Variants in ZDHHC11B observed in about 807,000 individuals in gnomAD.
The protein encoded by ZDHHC11B is zDHHC palmitoyltransferase 11B (putative).
Under a neutral mutation model 42.3 loss-of-function variants are expected in ZDHHC11B, and 17 were observed. The observed-to-expected ratio is 0.40, with a 90% CI of 0.27 to 0.60. The LOEUF (loss-of-function observed/expected upper bound fraction) is 0.60. Among genes scored for constraint, ZDHHC11B ranks in the 20% least tolerant of loss-of-function variants. The pLI, the probability that ZDHHC11B is intolerant of heterozygous loss-of-function variation, is 0.41. For missense variants in ZDHHC11B, 262 were observed against 463.2 expected (o/e 0.57, Z 3.99); for synonymous variants, 123 against 193.5 (o/e 0.64, Z 3.02).
rs1164812747 is a variant in ZDHHC11B at position 748,403 on chromosome 5, C to T, written c.784+1G>A. 1 of 1,353,426 alleles carries T rather than the reference C, an allele frequency of 7.4e-7. No homozygotes were observed. The highest frequency in any genetic ancestry group is 9.8e-7 in the Non-Finnish European group (1 of 1,021,150). 83.8% of individuals were successfully genotyped at this position (1,353,426 alleles called of 1,614,324 possible). A position where few individuals can be genotyped will look rare whatever the true frequency, so the allele number is the denominator to read the frequency against. ...TCGGGGGCTTAGGGTGGGGGACATA[C>T]TCAGGTAGATGTGGAAGATGAGCAG... On this transcript the variant is annotated splice_donor_variant, in intron 8 of 13. Transcript: ENST00000508859. LOFTEE classifies it high-confidence loss of function.
At chr5:784,558 C>CG (rs543527506) in intron 1 of ZDHHC11B, among the ~76,000 whole-genome samples, 110 bp downstream of exon 1, 1 of 152,156 alleles carries the variant, frequency 6.6e-6, no homozygotes, top group Non-Finnish European at 1.5e-5. Context: ...CGGGGGAGCG[C>CG]GGGGGGCAGG....
chr5:777,797 G>T (rs1032050315), intron 1 of ZDHHC11B, among the ~76,000 whole-genome samples: 1 of 151,976 alleles, frequency 6.6e-6, no homozygotes, highest in Admixed American at 6.6e-5. Flanking sequence ...AGCAGGCGGA[G>T]CTGCCCGCCA....
At chr5:775,860 CAG>C (rs1318856635) in intron 1 of ZDHHC11B, among the ~76,000 whole-genome samples, 7 of 149,952 alleles carry the variant, frequency 4.7e-5, no homozygotes, top group Non-Finnish European at 1.0e-4. Context: ...GACTGGGAAA[CAG>C]GTTGGAGGGG....
chr5:725,238 C>T (rs1164886519), intron 12 of ZDHHC11B, among the ~76,000 whole-genome samples: 5 of 142,886 alleles, frequency 3.5e-5, no homozygotes, highest in South Asian at 2.2e-4. Context: ...CATCAGACAC[C>T]GGATCTGCCG....
chr5:766,966 G>A, intron 3 of ZDHHC11B, 47 bp from the exon 4 acceptor site: 1 of 1,591,764 alleles, frequency 6.3e-7, no homozygotes, highest in Non-Finnish European at 8.6e-7. Context: ...CTCCGGGGAG[G>A]GCCGGCCCCA....
chr5:775,562 C>T (rs1381199612), intron 1 of ZDHHC11B, among the ~76,000 whole-genome samples: 6 of 151,906 alleles, frequency 3.9e-5, no homozygotes, highest in Admixed American at 3.9e-4. Flanking sequence ...ACTCAGGTTC[C>T]CAGGAGCCCC....
At chr5:777,994 A>T (rs1218018304) in intron 1 of ZDHHC11B, among the ~76,000 whole-genome samples, 1 of 151,794 alleles carries the variant, frequency 6.6e-6, no homozygotes, top group Non-Finnish European at 1.5e-5. Flanking sequence ...GCCCCGCGAG[A>T]ATTTGAGCAT....
chr5:776,473 C>A (rs1302757476), intron 1 of ZDHHC11B, among the ~76,000 whole-genome samples: 1 of 151,912 alleles, frequency 6.6e-6, no homozygotes, highest in Non-Finnish European at 1.5e-5. Context: ...AGGCCCCTGG[C>A]CAGCAGGGCT....
intron 10 of ZDHHC11B, among the ~76,000 whole-genome samples, chr5:740,122 CAG>C (rs1316781421): frequency 1.6e-4 from 19 of 119,768 alleles, no homozygotes; most frequent in East Asian, 1.3e-3. Flanking sequence ...TTTTGGGACT[CAG>C]GGGGAGTGGT....
intron 12 of ZDHHC11B, among the ~76,000 whole-genome samples, chr5:719,727 G>A (rs1370624992): frequency 6.6e-6 from 1 of 151,586 alleles, no homozygotes; most frequent in Non-Finnish European, 1.5e-5. Flanking sequence ...CTCCAAAGTA[G>A]AAGAGAAAAG....
At chr5:725,059 C>A (rs1335484014) in intron 12 of ZDHHC11B, among the ~76,000 whole-genome samples, 1 of 150,916 alleles carries the variant, frequency 6.6e-6, no homozygotes, top group Non-Finnish European at 1.5e-5. Context: ...CTAACCCCAG[C>A]GTTGTGTGTC....
rs1735813093 is a variant in ZDHHC11B at position 769,663 on chromosome 5, C to T, written c.-229-733G>A. ...ACACTTTCGTTCAAAGGACAAGCCTCTTAATTACTTCCAGGCCAACAAAGT... is the reference window on the plus strand; with the variant it reads ...ACACTTTCGTTCAAAGGACAAGCCTTTTAATTACTTCCAGGCCAACAAAGT... On this transcript the variant is annotated intron_variant, in intron 1 of 13. Coordinates refer to ENST00000508859, the MANE Select transcript of ZDHHC11B (RefSeq NM_001351303.2). Among the ~76,000 whole-genome samples, 5 of 152,018 alleles carry T rather than the reference C, an allele frequency of 3.3e-5. 1 individual carries two copies. The South Asian group carries it at 1.0e-3, about 32-fold the overall frequency.
Position 753,012 on chromosome 5 carries a change from G to A in ZDHHC11B, c.504-1755C>T, listed in dbSNP as rs1399357156. ...CCTCCTCTCCCCGCAGCCACCCAGG[G>A]ACATTCTCCTCTTGGTTAGCACAGC... On this transcript the variant is annotated intron_variant, in intron 6 of 13. Coordinates refer to ENST00000508859, the MANE Select transcript of ZDHHC11B (RefSeq NM_001351303.2). 5.7e-5 allele frequency among the ~76,000 whole-genome samples: 7 copies of A among 122,288 alleles called. No homozygotes were observed. In the South Asian group the frequency reaches 2.2e-3, roughly 39 times the overall value. The allele number at this position is 122,288 out of a possible 152,430, so 80.2% of individuals were successfully genotyped here. A position where few individuals can be genotyped will look rare whatever the true frequency, so the allele number is the denominator to read the frequency against.
chr5:747,491 G>GTGT (rs1293012054), intron 8 of ZDHHC11B: 1 of 147,964 alleles, frequency 6.8e-6, no homozygotes, highest in Non-Finnish European at 1.5e-5. Flanking sequence ...GGGTTGTGTG[G>GTGT]GGACAGTGGT....
At chr5:776,749 C>T (rs577960982) in intron 1 of ZDHHC11B, among the ~76,000 whole-genome samples, 2 of 152,000 alleles carry the variant, frequency 1.3e-5, no homozygotes, top group Non-Finnish European at 2.9e-5. Context: ...GAGCCCTGCC[C>T]TCCTGCCGAG....
At chr5:779,264 G>A (rs1407026722) in intron 1 of ZDHHC11B, among the ~76,000 whole-genome samples, 6 of 150,558 alleles carry the variant, frequency 4.0e-5, no homozygotes, top group Admixed American at 4.0e-4. Context: ...ATGCCTGGAC[G>A]CTGGGCTTCT....
Position 746,711 on chromosome 5 carries a change from C to T in ZDHHC11B, c.785-1413G>A, listed in dbSNP as rs539908721. 7.2e-4 allele frequency among the ~76,000 whole-genome samples: 108 copies of T among 150,602 alleles called. 4 individuals are homozygous for T. Among genetic ancestry groups the T allele is most frequent in the Non-Finnish European group, 1.2e-3 (83 of 67,718 alleles). ...TGTGTCTCATTCTTCATCCTCTCCC[C>T]GCAGCGTGCAGGTGACCATGCCTCA... On this transcript the variant is annotated intron_variant, in intron 8 of 13. Coordinates refer to ENST00000508859, the MANE Select transcript of ZDHHC11B (RefSeq NM_001351303.2).
At chr5:734,003 G>A (rs1743308065) in intron 10 of ZDHHC11B, among the ~76,000 whole-genome samples, 164 bp from the exon 11 acceptor site, 1 of 146,602 alleles carries the variant, frequency 6.8e-6, no homozygotes, top group Admixed American at 6.8e-5. Flanking sequence ...AAGTACTCCT[G>A]CGTTATGTGC....
chr5:769,840 G>A lies in ZDHHC11B; in HGVS notation c.-229-910C>T, dbSNP rs1354415376. Among the ~76,000 whole-genome samples, 26 of 152,050 alleles carry A rather than the reference G, an allele frequency of 1.7e-4. No individual in the cohort carries two copies. In the Middle Eastern group the frequency reaches 0.014, roughly 80 times the overall value. On this transcript the variant is annotated intron_variant, in intron 1 of 13. Transcript: ENST00000508859. ...CTGGTCTTTGCTGAAGACTGAGCTC[G>A]GGATGTGAACCCTTCCTGATGCTAG...
Sources: allele counts gnomAD v4.1 joint callset (sites outside exome capture counted in the v4.1 genomes callset), GRCh38; gene constraint gnomAD v4.1.1; transcripts MANE v1.5; gene names NCBI Gene and HGNC (gene_info 2026-07-23, HGNC 2026-07-21).